The following PRDM2 variants were observed in gnomAD, a reference collection of about 807,000 sequenced individuals.
PRDM2 encodes PR/SET domain 2.
A neutral mutation model predicts 130.0 loss-of-function variants in PRDM2; 30 were observed. The ratio of observed to expected loss-of-function variants is 0.23; its 90% CI spans 0.17 to 0.31. PRDM2 has a LOEUF of 0.31. PRDM2 is among the 10% of genes least tolerant of loss of function. The pLI is 1.00. For missense variants in PRDM2, 2,011 were observed against 2,108.4 expected (o/e 0.95, Z 0.90); for synonymous variants, 871 against 782.4 (o/e 1.11, Z -1.89).
intron 4 of PRDM2, among the ~76,000 whole-genome samples, chr1:13,740,670 C>T (rs991920297): frequency 1.3e-5 from 2 of 152,198 alleles, no homozygotes; most frequent in African/African-American, 4.8e-5. Context: ...TTTTGAGCCT[C>T]AATTTTCACA....
At chr1:13,721,267 C>G (rs1187518695) in intron 2 of PRDM2, among the ~76,000 whole-genome samples, 9 of 152,166 alleles carry the variant, frequency 5.9e-5, no homozygotes, top group Non-Finnish European at 1.3e-4. Context: ...AATCTTAATT[C>G]CAAAGAGTTA....
rs755496297 is a variant in PRDM2, at chr1:13,779,752, G to A, written c.1957G>A (p.Glu653Lys). 1.6e-5 allele frequency: 26 copies of A among 1,613,994 alleles called. No individual in the cohort carries two copies. The Middle Eastern group carries it at 4.9e-4, about 31-fold the overall frequency. Residue 653 changes from glutamate to lysine, a missense_variant, in exon 8 of 10, where the codon GAA becomes AAA. This residue lies in a region of PRDM2 where 1,288 missense variants were observed against 1,237.7 expected (regional missense o/e 1.04). Transcript: ENST00000311066. This position sits in a 1 kb window ranked among gnomAD's most constrained non-coding sequence, Gnocchi z 4.9. Reference protein sequence around the residue: ...SPPALPKIKAETDSDPMVPSC... With the variant: ...SPPALPKIKAKTDSDPMVPSC... Reference sequence around the variant, plus strand: ...ACCTGCACTGCCCAAAATTAAGGCCGAAACAGACTCTGACCCCATGGTCCC... The same window carrying A: ...ACCTGCACTGCCCAAAATTAAGGCCAAAACAGACTCTGACCCCATGGTCCC...
chr1:13,764,303 A>G (rs937445126), intron 6 of PRDM2, among the ~76,000 whole-genome samples: 2 of 152,170 alleles, frequency 1.3e-5, no homozygotes, highest in African/African-American at 4.8e-5. Context: ...CACTATTTAT[A>G]TGTAAGGTTT....
At chr1:13,822,770 T>G (rs1290675247) in intron 9 of PRDM2, among the ~76,000 whole-genome samples, 2 of 152,074 alleles carry the variant, frequency 1.3e-5, no homozygotes, top group East Asian at 3.9e-4. Flanking sequence ...AATGGGTGGC[T>G]CTCACAAACA....
intron 8 of PRDM2, among the ~76,000 whole-genome samples, chr1:13,811,365 A>G (rs1206650035): frequency 6.6e-6 from 1 of 152,162 alleles, no homozygotes; most frequent in African/African-American, 2.4e-5. Flanking sequence ...CACAGGAAGC[A>G]TCCTGTGACA....
intron 5 of PRDM2, among the ~76,000 whole-genome samples, chr1:13,749,038 A>G (rs1454087544): frequency 1.3e-5 from 2 of 152,092 alleles, no homozygotes; most frequent in Non-Finnish European, 2.9e-5. Context: ...AAATGGGCCC[A>G]TGTTTTATTT....
intron 7 of PRDM2, among the ~76,000 whole-genome samples, chr1:13,775,954 G>A (rs1323078082): frequency 6.6e-6 from 1 of 152,100 alleles, no homozygotes; most frequent in Non-Finnish European, 1.5e-5. Flanking sequence ...CCCCAGATAA[G>A]TCCACATTAA....
intron 2 of PRDM2, among the ~76,000 whole-genome samples, chr1:13,727,775 G>T (rs528508433): frequency 6.6e-6 from 1 of 152,194 alleles, no homozygotes; most frequent in African/African-American, 2.4e-5. Context: ...AGTAGATGGT[G>T]CAACTTATTT....
At chr1:13,731,206 G>A (rs998109490) in intron 3 of PRDM2, 89 bp downstream of exon 3, 24 of 1,015,614 alleles carry the variant, frequency 2.4e-5, no homozygotes, top group Non-Finnish European at 3.4e-5. Flanking sequence ...GGTAGGGAGC[G>A]CACCATAAAA....
intron 6 of PRDM2, among the ~76,000 whole-genome samples, chr1:13,756,154 T>C (rs1569885535): frequency 6.7e-6 from 1 of 149,964 alleles, no homozygotes; most frequent in South Asian, 2.1e-4. Flanking sequence ...TCCCAGCTAC[T>C]CCGGAGGCTG....
At chr1:13,729,258 G>A (rs1403282764) in intron 2 of PRDM2, among the ~76,000 whole-genome samples, 1 of 152,162 alleles carries the variant, frequency 6.6e-6, no homozygotes, top group African/African-American at 2.4e-5. Context: ...GGAAGTATCC[G>A]TTTAGGTTAG....
rs536209182 is a variant in PRDM2, at chr1:13,783,387, T to TC, written c.5036+561dup. Among the ~76,000 whole-genome samples the TC allele has an allele frequency of 1.7e-4, 26 of 152,252 alleles. 1 individual carries two copies. In the South Asian group the frequency reaches 5.4e-3, roughly 32 times the overall value. On this transcript the variant is annotated intron_variant, in intron 8 of 9. Transcript: ENST00000311066. The stretch of plus-strand genomic sequence containing the variant: ...TCCTTTAAAAAGGTCTTATGCACTG[T>TC]CCCCCACCTCCTGAACTCAGCCGTA...
intron 6 of PRDM2, among the ~76,000 whole-genome samples, chr1:13,758,871 T>A (rs995646793): frequency 2.6e-5 from 4 of 152,258 alleles, no homozygotes; most frequent in South Asian, 2.1e-4. Flanking sequence ...TTGAATAGTT[T>A]CAGAGGCAAG....
In PRDM2 at chr1:13,742,133, A is replaced by G. The variant is rs1415033263; in HGVS notation, c.360A>G (p.Arg120=). ...ATTTATTCCCACTGGAAATCAACAGAGCCATTTACTATAAAACTTTAAAGG... is the reference window on the plus strand; with the variant it reads ...ATTTATTCCCACTGGAAATCAACAGGGCCATTTACTATAAAACTTTAAAGG... ...EQNLFPLEIN[R]AIYYKTLKPI... The change falls in exon 5 of 10, where the codon AGA becomes AGG. Residue 120 remains arginine, a synonymous_variant. Transcript: ENST00000311066. 10 of 1,613,908 alleles carry G rather than the reference A, an allele frequency of 6.2e-6. No individual in the cohort carries two copies. Among genetic ancestry groups the G allele is most frequent in the Admixed American group, 1.7e-5 (1 of 60,000 alleles).
chr1:13,743,023 T>C (rs1331092547), intron 5 of PRDM2, among the ~76,000 whole-genome samples: 1 of 152,102 alleles, frequency 6.6e-6, no homozygotes, highest in African/African-American at 2.4e-5. Flanking sequence ...GGGACATGAG[T>C]GTGAGGAAGC....
intron 4 of PRDM2, among the ~76,000 whole-genome samples, chr1:13,734,369 G>C (rs1643203786): frequency 6.6e-6 from 1 of 152,220 alleles, no homozygotes; most frequent in Non-Finnish European, 1.5e-5. Context: ...ACTACGTTTA[G>C]TGAGAATAAT....
intron 2 of PRDM2, among the ~76,000 whole-genome samples, chr1:13,717,129 T>C (rs1298681421): frequency 6.6e-6 from 1 of 152,186 alleles, no homozygotes; most frequent in African/African-American, 2.4e-5. Flanking sequence ...AAAAAACGAA[T>C]CTGGCGAACA....
At chr1:13,710,409 C>A (rs1642333237) in intron 1 of PRDM2, among the ~76,000 whole-genome samples, 1 of 152,204 alleles carries the variant, frequency 6.6e-6, no homozygotes, top group Non-Finnish European at 1.5e-5. Context: ...TATATTGATA[C>A]TGATCATTAA....
At chr1:13,789,856 G>A (rs1453718422) in intron 8 of PRDM2, among the ~76,000 whole-genome samples, 2 of 152,198 alleles carry the variant, frequency 1.3e-5, no homozygotes, top group African/African-American at 4.8e-5. Context: ...ATGGTTTATC[G>A]TTCCCCGTCA....
Sources: allele counts gnomAD v4.1 joint callset (sites outside exome capture counted in the v4.1 genomes callset), GRCh38; gene constraint gnomAD v4.1.1; regional missense constraint gnomAD v4.1.1; non-coding constraint Gnocchi (gnomAD v3.1); transcripts MANE v1.5; gene names NCBI Gene and HGNC (gene_info 2026-07-23, HGNC 2026-07-21).